NACC1: variants seen among roughly 807,000 people sequenced by gnomAD.
NACC1 encodes the protein nucleus accumbens-associated protein 1.
In NACC1, 6 loss-of-function variants were observed where a neutral mutation model predicts 41.7. The observed-to-expected ratio is 0.14, with a 90% CI of 0.08 to 0.28. The LOEUF (loss-of-function observed/expected upper bound fraction) is 0.28. Among genes scored for constraint, NACC1 ranks in the 10% least tolerant of loss-of-function variants. The pLI, the probability that NACC1 is intolerant of heterozygous loss-of-function variation, is 1.00. For missense variants in NACC1, 434 were observed against 763.7 expected (o/e 0.57, Z 5.09); for synonymous variants, 338 against 330.6 (o/e 1.02, Z -0.24).
Position 13,136,303 on chromosome 19 carries a change from C to T in NACC1, c.1018C>T (p.Leu340=). The T allele has an allele frequency of 2.5e-6, 4 of 1,614,130 alleles. No homozygotes were observed. The highest frequency in any genetic ancestry group is 3.4e-6 in the Non-Finnish European group (4 of 1,180,026). The change falls in exon 3 of 6, where the codon CTG becomes TTG. Residue 340 remains leucine, a synonymous_variant. Coordinates refer to ENST00000292431, the MANE Select transcript of NACC1 (RefSeq NM_052876.4). The surrounding 1 kb of genome is among the most constrained non-coding windows in gnomAD (Gnocchi z 5.5). ...AAATCGCATCCGGGTTCGGCAAGAC[C>T]TGGCGTCTCTCCCGGCTGAACTTAT... is the stretch of plus-strand genomic sequence containing the variant. ...SRNRIRVRQD[L]ASLPAELINQ...
chr19:13,129,069 G>T (rs1368712751), intron 1 of NACC1, among the ~76,000 whole-genome samples: 1 of 152,210 alleles, frequency 6.6e-6, no homozygotes, highest in Non-Finnish European at 1.5e-5. Flanking sequence ...TGTGGCCGGG[G>T]TGGGGCAGGA....
chr19:13,117,968 C>T (rs577768760), upstream of NACC1: 2 of 152,344 alleles, frequency 1.3e-5, no homozygotes, highest in South Asian at 4.1e-4. Flanking sequence ...CAATAAACAG[C>T]AGTCATTATT....
At position 13,140,577 on chromosome 19, in the gene NACC1, A is replaced by C. The variant is rs1034906724; in HGVS notation, c.*2171A>C. Reference sequence around the variant, plus strand: ...GTGGCAGAGCCCACTTGTTTCAGGGACCCCAGGAGGTGCCCCCTGGCTCCC... The same window carrying C: ...GTGGCAGAGCCCACTTGTTTCAGGGCCCCCAGGAGGTGCCCCCTGGCTCCC... On this transcript the variant is annotated 3_prime_UTR_variant, in exon 6 of 6. Transcript: ENST00000292431. This position sits in a 1 kb window ranked among gnomAD's most constrained non-coding sequence, Gnocchi z 4.0. The C allele has an allele frequency of 9.5e-6, 1 of 105,116 alleles. No individual in the cohort carries two copies. Among genetic ancestry groups the C allele is most frequent in the Non-Finnish European group, 1.9e-5 (1 of 53,754 alleles). The allele number at this position is 105,116 out of a possible 1,614,324, so 6.5% of individuals were successfully genotyped here.
At position 13,135,453 on chromosome 19, in the gene NACC1, C is replaced by T. The variant is rs768382987; in HGVS notation, c.246C>T (p.Leu82=). The T allele has an allele frequency of 3.1e-6, 5 of 1,613,096 alleles. No homozygotes were observed. Among genetic ancestry groups the T allele is most frequent in the Non-Finnish European group, 3.4e-6 (4 of 1,179,670 alleles). ...AVQPQSFQQI[L]SFCYTGRLSM... ...AGCCCCAGTCTTTCCAGCAGATCCT[C>T]AGCTTCTGCTACACGGGCCGGCTGA... Residue 82 remains leucine, a synonymous_variant, in exon 2 of 6, where the codon CTC becomes CTT. Transcript: ENST00000292431.
In NACC1 at chr19:13,132,772, C is replaced by T. The variant is rs549587693; in HGVS notation, c.-8-2428C>T. On this transcript the variant is annotated intron_variant, in intron 1 of 5. Transcript: ENST00000292431. ...TTTCCCTGATGACTAGTAATGTTTC[C>T]GTGTAATTTCTTGAATGATCATTCA... Among the ~76,000 whole-genome samples, 8 of 152,204 alleles carry T rather than the reference C, an allele frequency of 5.3e-5. No individual in the cohort carries two copies. In the South Asian group the frequency reaches 6.2e-4, roughly 12 times the overall value.
chr19:13,130,704 T>C (rs2019623892), intron 1 of NACC1, among the ~76,000 whole-genome samples: 1 of 151,882 alleles, frequency 6.6e-6, no homozygotes, highest in South Asian at 2.1e-4. Flanking sequence ...CCCGGCTAAT[T>C]TTTGTATTTT....
chr19:13,136,452 C>T lies in NACC1; in HGVS notation c.1120+47C>T, dbSNP rs769489075. On this transcript the variant is annotated intron_variant, in intron 3 of 5. Transcript: ENST00000292431. This position sits in a 1 kb window ranked among gnomAD's most constrained non-coding sequence, Gnocchi z 5.5. ...TCTCTCCCCTCCGCAGCTTTGGAGC[C>T]GGCTGGCCTGGGCTGGGCTGGGCAG... The T allele has an allele frequency of 8.3e-6, 13 of 1,569,320 alleles. No individual in the cohort carries two copies. Among genetic ancestry groups the T allele is most frequent in the African/African-American group, 4.1e-5 (3 of 73,938 alleles).
chr19:13,128,190 C>T (rs138955998), intron 1 of NACC1, among the ~76,000 whole-genome samples: 5 of 152,232 alleles, frequency 3.3e-5, no homozygotes, highest in African/African-American at 9.6e-5. Flanking sequence ...GAAGTCCGGG[C>T]CAAAGACTCC....
chr19:13,136,840 AGAGT>A lies in NACC1; in HGVS notation c.1121-427_1121-424del, dbSNP rs889842526. On this transcript the variant is annotated intron_variant, in intron 3 of 5. Transcript: ENST00000292431. The surrounding 1 kb of genome is among the most constrained non-coding windows in gnomAD (Gnocchi z 5.5). ...GCCACTGCACTCCAGCCTGGGTGAC[AGAGT>A]GAGACTTCATCTCTTAAAAAAAGAA... Among the ~76,000 whole-genome samples the A allele has an allele frequency of 6.6e-6, 1 of 152,252 alleles. No homozygotes were observed. The highest frequency in any genetic ancestry group is 6.5e-5 in the Admixed American group (1 of 15,300).
In NACC1 at chr19:13,120,783, G is replaced by A. The variant is rs547830211; in HGVS notation, c.-9+2329G>A. Among the ~76,000 whole-genome samples the A allele has an allele frequency of 3.1e-4, 47 of 152,352 alleles. No homozygotes were observed. The East Asian group carries it at 7.9e-3, about 26-fold the overall frequency. Reference sequence around the variant, plus strand: ...GCTGAGACTGTTGGGAGTTGGCCCTGGTGAGTGGGGGACAGGCAGTGCCTC... The same window carrying A: ...GCTGAGACTGTTGGGAGTTGGCCCTAGTGAGTGGGGGACAGGCAGTGCCTC... On this transcript the variant is annotated intron_variant, in intron 1 of 5. Transcript: ENST00000292431.
At chr19:13,128,868 G>A (rs1270789002) in intron 1 of NACC1, among the ~76,000 whole-genome samples, 1 of 152,192 alleles carries the variant, frequency 6.6e-6, no homozygotes, top group Non-Finnish European at 1.5e-5. Context: ...TCAGGCCCAG[G>A]GCCAGGACTA....
chr19:13,126,537 C>G (rs944141743), intron 1 of NACC1, among the ~76,000 whole-genome samples: 1 of 152,280 alleles, frequency 6.6e-6, no homozygotes, highest in Non-Finnish European at 1.5e-5. Context: ...TTCCTCAGCT[C>G]TCTTCCCTAA....
In NACC1 at chr19:13,139,324, C is replaced by A. The variant is rs1370047857; in HGVS notation, c.*918C>A. On this transcript the variant is annotated 3_prime_UTR_variant, in exon 6 of 6. Coordinates refer to ENST00000292431, the MANE Select transcript of NACC1 (RefSeq NM_052876.4). Reference sequence around the variant, plus strand: ...CCACAGCAGGGCTCCTGGCCCCCACCCCCCTGTACATAATTTTTAAAACCT... The same window carrying A: ...CCACAGCAGGGCTCCTGGCCCCCACACCCCTGTACATAATTTTTAAAACCT... 1 of 152,126 alleles carries A rather than the reference C, an allele frequency of 6.6e-6. No individual in the cohort carries two copies. The highest frequency in any genetic ancestry group is 1.5e-5 in the Non-Finnish European group (1 of 68,014). 9.4% of individuals were successfully genotyped at this position (152,126 alleles called of 1,614,324 possible). A position where few individuals can be genotyped will look rare whatever the true frequency, so the allele number is the denominator to read the frequency against.
intron 1 of NACC1, among the ~76,000 whole-genome samples, chr19:13,121,759 C>T (rs1306999645): frequency 6.6e-6 from 1 of 152,182 alleles, no homozygotes; most frequent in Non-Finnish European, 1.5e-5. Context: ...GTTCATGCCA[C>T]TCTGCGTCCT....
At chr19:13,125,500 A>G (rs1427365007) in intron 1 of NACC1, among the ~76,000 whole-genome samples, 1 of 143,088 alleles carries the variant, frequency 7.0e-6, no homozygotes, top group Non-Finnish European at 1.5e-5. Context: ...GACTCACCGC[A>G]TCCTCCGCCT....
At chr19:13,131,353 A>G (rs1386633409) in intron 1 of NACC1, among the ~76,000 whole-genome samples, 1 of 152,140 alleles carries the variant, frequency 6.6e-6, no homozygotes, top group Non-Finnish European at 1.5e-5. Context: ...GCACCCCTCT[A>G]GGAACTGGGA....
intron 1 of NACC1, among the ~76,000 whole-genome samples, chr19:13,123,148 CT>C (rs2145612198): frequency 6.6e-6 from 1 of 152,324 alleles, no homozygotes; most frequent in Admixed American, 6.5e-5. Context: ...ATCCCCATCC[CT>C]CCACCCTCCT....
intron 1 of NACC1, among the ~76,000 whole-genome samples, chr19:13,128,177 AG>A (rs1437528837): frequency 6.6e-6 from 1 of 152,214 alleles, no homozygotes; most frequent in Non-Finnish European, 1.5e-5. Context: ...TGGCATTCAC[AG>A]GGAAGTCCGG....
chr19:13,123,661 A>G (rs1291689170), intron 1 of NACC1, among the ~76,000 whole-genome samples: 1 of 152,216 alleles, frequency 6.6e-6, no homozygotes, highest in African/African-American at 2.4e-5. Flanking sequence ...TGGAGAGGAC[A>G]CATCCAGTAG....
Sources: allele counts gnomAD v4.1 joint callset (sites outside exome capture counted in the v4.1 genomes callset), GRCh38; gene constraint gnomAD v4.1.1; non-coding constraint Gnocchi (gnomAD v3.1); transcripts MANE v1.5; gene names NCBI Gene and HGNC (gene_info 2026-07-23, HGNC 2026-07-21).